The following HDAC8 variants were observed in gnomAD, a reference collection of about 807,000 sequenced individuals.
HDAC8 encodes the protein histone deacetylase-like 1.
A neutral mutation model predicts 32.2 loss-of-function variants in HDAC8; 1 was observed. The ratio of observed to expected loss-of-function variants is 0.03; its 90% confidence interval spans 0.01 to 0.15. HDAC8 has a LOEUF of 0.15. Ranked by LOEUF, HDAC8 falls within the 10% of genes least tolerant of loss-of-function variation. The probability of loss-of-function intolerance (pLI) is 1.00; values close to 1 mark genes in which losing one functional copy is unlikely to be tolerated. For missense variants in HDAC8, 117 were observed against 300.0 expected (o/e 0.39, Z 4.51); for synonymous variants, 108 against 113.9 (o/e 0.95, Z 0.33).
At chrX:72,479,748 G>C (rs180918864) in intron 7 of HDAC8, among the ~76,000 whole-genome samples, 2 of 112,592 alleles carry the variant, frequency 1.8e-5, no homozygotes, top group Non-Finnish European at 3.8e-5. Context: ...CATCAGTTGA[G>C]AGAGGAAGGA....
chrX:72,528,294 T>C (rs1309221578), intron 4 of HDAC8, among the ~76,000 whole-genome samples: 3 of 111,763 alleles, frequency 2.7e-5, no homozygotes, highest in Non-Finnish European at 5.6e-5. Flanking sequence ...ATTTGTTGAA[T>C]GAACAAATGG....
Position 72,567,371 on chromosome X carries a change from T to G in HDAC8, c.437+518A>C, listed in dbSNP as rs544375312. ...ACCTTTTTAAAAATCTGTTTGCCAC[T>G]TCTTTTAAGAACTAGCTCTAAAATT... is the stretch of plus-strand genomic sequence containing the variant. On this transcript the variant is annotated intron_variant, in intron 4 of 10. Coordinates refer to ENST00000373573, the MANE Select transcript of HDAC8 (RefSeq NM_018486.3). Among the ~76,000 whole-genome samples the G allele has an allele frequency of 3.6e-5, 4 of 112,148 alleles. No homozygotes were observed. The South Asian group carries it at 1.5e-3, about 42-fold the overall frequency.
chrX:72,530,023 T>C (rs1309014107), intron 4 of HDAC8, among the ~76,000 whole-genome samples: 2 of 112,581 alleles, frequency 1.8e-5, no homozygotes, highest in African/African-American at 6.5e-5. Flanking sequence ...CCATGCCTCC[T>C]CTACAGCCTC....
chrX:72,571,553 CTTTTTTTTTTTTTTTT>C (rs782331910), intron 2 of HDAC8, among the ~76,000 whole-genome samples: 5 of 30,445 alleles, frequency 1.6e-4, no homozygotes, highest in Non-Finnish European at 3.0e-4. Context: ...TTCTTTCTTT[CTTTTTTTTTTTTTTTT>C]TTTTTTTTTT....
intron 9 of HDAC8, among the ~76,000 whole-genome samples, chrX:72,420,868 A>G (rs2046467913): frequency 8.9e-6 from 1 of 111,767 alleles, no homozygotes; most frequent in Non-Finnish European, 1.9e-5. Flanking sequence ...GGTCTCTAAT[A>G]AATTGCATGT....
intron 4 of HDAC8, among the ~76,000 whole-genome samples, chrX:72,515,587 T>TGGGGGGGGGGGGGGGGG (rs61675419): frequency 5.9e-5 from 2 of 33,732 alleles, no homozygotes; most frequent in Non-Finnish European, 1.3e-4. Flanking sequence ...TCAGTGTGTG[T>TGGGGGGGGGGGGGGGGG]GGGGGGGGGG....
intron 2 of HDAC8, 66 bp downstream of exon 2, chrX:72,571,991 T>A: frequency 1.1e-6 from 1 of 935,955 alleles, no homozygotes; most frequent in Non-Finnish European, 1.5e-6. Flanking sequence ...CTTGCCCCAC[T>A]GTGAAGCAGG....
intron 9 of HDAC8, among the ~76,000 whole-genome samples, chrX:72,444,187 G>A (rs1398677870): frequency 1.0e-5 from 1 of 99,481 alleles, no homozygotes; most frequent in Admixed American, 1.1e-4. Flanking sequence ...CTCATTTTAT[G>A]AGGCCAGCAT....
intron 2 of HDAC8, among the ~76,000 whole-genome samples, chrX:72,571,762 T>A (rs1444707001): frequency 1.8e-5 from 2 of 108,206 alleles, no homozygotes; most frequent in African/African-American, 6.7e-5. Flanking sequence ...AGAGACGGGG[T>A]TTTGCCATGT....
At chrX:72,335,184 T>TA (rs2043644733) in intron 10 of HDAC8, among the ~76,000 whole-genome samples, 1 of 112,367 alleles carries the variant, frequency 8.9e-6, no homozygotes. Flanking sequence ...TGGATACTGA[T>TA]ACATTATCAT....
chrX:72,526,572 C>T (rs1250514363), intron 4 of HDAC8, among the ~76,000 whole-genome samples: 1 of 111,210 alleles, frequency 9.0e-6, no homozygotes, highest in Non-Finnish European at 1.9e-5. Flanking sequence ...ACATACTAGG[C>T]CCTCAATAAA....
intron 4 of HDAC8, among the ~76,000 whole-genome samples, chrX:72,496,974 G>A (rs187359849): frequency 1.1e-3 from 127 of 111,643 alleles, no homozygotes; most frequent in Middle Eastern, 4.6e-3. Flanking sequence ...CCACCCTTTT[G>A]CGTTACGAGA....
intron 9 of HDAC8, among the ~76,000 whole-genome samples, chrX:72,373,384 C>A (rs1383949372): frequency 8.9e-6 from 1 of 112,409 alleles, no homozygotes; most frequent in Non-Finnish European, 1.9e-5. Flanking sequence ...ACTTCTTGTT[C>A]CCCTATCCCC....
chrX:72,350,943 C>G (rs1477792014), intron 10 of HDAC8, among the ~76,000 whole-genome samples: 2 of 112,156 alleles, frequency 1.8e-5, no homozygotes, highest in Non-Finnish European at 3.8e-5. Flanking sequence ...CTGCAGCACT[C>G]TGGCTGAGTC....
At position 72,438,014 on chromosome X, in the gene HDAC8, A is replaced by T. The variant is rs1056329283; in HGVS notation, c.1005+23990T>A. 8.9e-5 allele frequency among the ~76,000 whole-genome samples: 10 copies of T among 112,095 alleles called. No homozygotes were observed. In the South Asian group the frequency reaches 2.2e-3, roughly 25 times the overall value. ...CTGCTAAGGGTCAGACTGCCTCCTCAAGTGGGTCCCTGACCCCTGTGCCTC... is the reference window on the plus strand; with the variant it reads ...CTGCTAAGGGTCAGACTGCCTCCTCTAGTGGGTCCCTGACCCCTGTGCCTC... On this transcript the variant is annotated intron_variant, in intron 9 of 10. Coordinates refer to ENST00000373573, the MANE Select transcript of HDAC8 (RefSeq NM_018486.3).
Position 72,462,675 on chromosome X carries a change from G to A in HDAC8, c.911-577C>T, listed in dbSNP as rs782129859. On this transcript the variant is annotated intron_variant, in intron 8 of 10. Transcript: ENST00000373573. ...AAGAGAGTGAGATGAGGAAGGGACC[G>A]TTGATGGATGCTCTGACCCATCTCG... Among the ~76,000 whole-genome samples the A allele has an allele frequency of 1.7e-4, 19 of 111,682 alleles. No homozygotes were observed. In the South Asian group the frequency reaches 1.9e-3, roughly 11 times the overall value.
At chrX:72,334,444 G>A (rs1405575303) in intron 10 of HDAC8, among the ~76,000 whole-genome samples, 1 of 111,854 alleles carries the variant, frequency 8.9e-6, no homozygotes, top group Non-Finnish European at 1.9e-5. Context: ...CCTAGAGTAA[G>A]AGATACAAAA....
intron 9 of HDAC8, among the ~76,000 whole-genome samples, chrX:72,454,735 G>A (rs781973140): frequency 8.9e-6 from 1 of 112,424 alleles, no homozygotes; most frequent in South Asian, 3.7e-4. Flanking sequence ...AAAAGTCATT[G>A]CAGCATGTTA....
chrX:72,464,829 G>A (rs1304758083), intron 7 of HDAC8, 98 bp from the exon 8 acceptor site: 2 of 551,827 alleles, frequency 3.6e-6, no homozygotes, highest in Non-Finnish European at 5.9e-6. Flanking sequence ...TTAGCAAATA[G>A]TTAAGGGAAA....
Sources: allele counts gnomAD v4.1 joint callset (sites outside exome capture counted in the v4.1 genomes callset), GRCh38; gene constraint gnomAD v4.1.1; transcripts MANE v1.5; gene names NCBI Gene and HGNC (gene_info 2026-07-23, HGNC 2026-07-21).